TMEM132B: variants seen among roughly 807,000 people sequenced by gnomAD.
TMEM132B encodes transmembrane protein 132B.
In TMEM132B, 18 loss-of-function variants were observed where a neutral mutation model predicts 90.8. That is an observed-to-expected ratio of 0.20 (90% CI 0.14 to 0.29). The LOEUF (loss-of-function observed/expected upper bound fraction) is 0.29. Ranked by LOEUF, TMEM132B falls within the 10% of genes least tolerant of loss-of-function variation. TMEM132B has a pLI of 1.00. For missense variants in TMEM132B, 1,096 were observed against 1,326.8 expected (o/e 0.83, Z 2.70); for synonymous variants, 504 against 523.3 (o/e 0.96, Z 0.50).
intron 5 of TMEM132B, among the ~76,000 whole-genome samples, chr12:125,611,910 G>A (rs549586437): frequency 1.7e-3 from 260 of 152,142 alleles, no homozygotes; most frequent in Non-Finnish European, 2.9e-3. Flanking sequence ...TTATAGATAT[G>A]TTAGGTCAAA....
chr12:125,393,885 TC>T (rs2136307564), intron 2 of TMEM132B, among the ~76,000 whole-genome samples: 1 of 152,336 alleles, frequency 6.6e-6, no homozygotes, highest in South Asian at 2.1e-4. Flanking sequence ...CTCTCTTTTC[TC>T]ACTGTCTAAT....
Position 125,583,838 on chromosome 12 carries a change from C to T in TMEM132B, c.1294-13C>T, listed in dbSNP as rs1885114442. 7 of 1,613,764 alleles carry T rather than the reference C, an allele frequency of 4.3e-6. No homozygotes were observed. The highest frequency in any genetic ancestry group is 5.9e-6 in the Non-Finnish European group (7 of 1,179,876). On this transcript the variant is annotated splice_polypyrimidine_tract_variant and intron_variant, in intron 4 of 8. Coordinates refer to ENST00000682704, the MANE Select transcript of TMEM132B (RefSeq NM_001366854.1). The stretch of plus-strand genomic sequence containing the variant: ...CACGTTTGCTGATCTGAGCCCTCTC[C>T]TCTCCTGTTTAGGACACCGAGGTTT...
rs747346772 is a variant in TMEM132B, at chr12:125,213,998, G to A, written c.67+27132G>A. On this transcript the variant is annotated intron_variant, in intron 1 of 8. Transcript: ENST00000682704. This position sits in a 1 kb window ranked among gnomAD's most constrained non-coding sequence, Gnocchi z 4.2. ...AGTTTGGGGGATAGAGAGAACAATAGTACCCCTTCGTCAGTGAGCTCTCAG... is the reference window on the plus strand; with the variant it reads ...AGTTTGGGGGATAGAGAGAACAATAATACCCCTTCGTCAGTGAGCTCTCAG... 6.6e-6 allele frequency among the ~76,000 whole-genome samples: 1 copy of A among 152,216 alleles called. No homozygotes were observed. Among genetic ancestry groups the A allele is most frequent in the Non-Finnish European group, 1.5e-5 (1 of 68,046 alleles).
chr12:125,205,245 G>A (rs1368419737), intron 1 of TMEM132B, among the ~76,000 whole-genome samples: 2 of 150,084 alleles, frequency 1.3e-5, no homozygotes, highest in African/African-American at 4.9e-5. Flanking sequence ...GTGCCAGGCA[G>A]GGTGCTTAGC....
At chr12:125,259,054 A>G (rs1874502715) in intron 1 of TMEM132B, among the ~76,000 whole-genome samples, 1 of 152,178 alleles carries the variant, frequency 6.6e-6, no homozygotes, top group Admixed American at 6.5e-5. Flanking sequence ...TGACTGTGCC[A>G]GTGATGTTCC....
At chr12:125,329,168 C>T (rs2136200863) in intron 1 of TMEM132B, among the ~76,000 whole-genome samples, 1 of 152,322 alleles carries the variant, frequency 6.6e-6, no homozygotes, top group African/African-American at 2.4e-5. Context: ...CCAGCGCTTC[C>T]TCCCTCATGC....
At chr12:125,207,170 G>A (rs1873204081) in intron 1 of TMEM132B, among the ~76,000 whole-genome samples, 1 of 152,236 alleles carries the variant, frequency 6.6e-6, no homozygotes, top group South Asian at 2.1e-4. Context: ...GATTTAATAT[G>A]AAAATCTGGA....
At chr12:125,652,936 T>C (rs1342142165) in intron 8 of TMEM132B, among the ~76,000 whole-genome samples, 2 of 152,244 alleles carry the variant, frequency 1.3e-5, no homozygotes, top group Non-Finnish European at 2.9e-5. Flanking sequence ...TTTTCACTTT[T>C]GCCAAAGCAG....
At position 125,657,598 on chromosome 12, in the gene TMEM132B, A is replaced by G. The variant is rs1175218039; in HGVS notation, c.*2888A>G. The G allele has an allele frequency of 2.6e-5, 4 of 152,206 alleles. No individual in the cohort carries two copies. The highest frequency in any genetic ancestry group is 4.8e-5 in the African/African-American group (2 of 41,442). 9.4% of individuals were successfully genotyped at this position (152,206 alleles called of 1,614,324 possible). A position where few individuals can be genotyped will look rare whatever the true frequency, so the allele number is the denominator to read the frequency against. On this transcript the variant is annotated 3_prime_UTR_variant, in exon 9 of 9. Transcript: ENST00000682704. ...CCCAAAATATCTAAAATGGGGGTAA[A>G]GATATAAACTATTAAGCCATGAAAT...
intron 5 of TMEM132B, chr12:125,622,425 CT>C: frequency 1.0e-6 from 1 of 978,120 alleles, no homozygotes; most frequent in Non-Finnish European, 1.2e-6. Flanking sequence ...GGAGCCAGGT[CT>C]GAGGCCACAC....
chr12:125,244,867 G>A (rs1874172286), intron 1 of TMEM132B, among the ~76,000 whole-genome samples: 1 of 152,168 alleles, frequency 6.6e-6, no homozygotes, highest in African/African-American at 2.4e-5. Flanking sequence ...TGGTGGAGTG[G>A]AAATGTCTGG....
At chr12:125,298,670 T>C (rs2136157449) in intron 1 of TMEM132B, among the ~76,000 whole-genome samples, 1 of 48,696 alleles carries the variant, frequency 2.1e-5, no homozygotes. Context: ...TGAGACTCTG[T>C]CTCAAAAAAA....
intron 2 of TMEM132B, among the ~76,000 whole-genome samples, chr12:125,359,815 C>T (rs1877903430): frequency 6.6e-6 from 1 of 152,234 alleles, no homozygotes; most frequent in African/African-American, 2.4e-5. Context: ...TGCAGTGGTT[C>T]ACGCCTGTAA....
intron 5 of TMEM132B, among the ~76,000 whole-genome samples, chr12:125,638,655 C>T (rs866946562): frequency 3.3e-5 from 5 of 151,860 alleles, no homozygotes; most frequent in Non-Finnish European, 2.9e-5. Flanking sequence ...GCAGAGGGGT[C>T]GTGAGGGAAG....
chr12:125,458,177 T>A lies in TMEM132B; in HGVS notation c.1106+42500T>A, dbSNP rs972892958. Among the ~76,000 whole-genome samples the A allele has an allele frequency of 6.6e-6, 1 of 150,996 alleles. No individual in the cohort carries two copies. The highest frequency in any genetic ancestry group is 1.5e-5 in the Non-Finnish European group (1 of 67,700). ...AATCTGTGTGGGGGATGGAGCTGAG[T>A]GGGAGGCAGTGGCGTCCCTGAGGCC... On this transcript the variant is annotated intron_variant, in intron 3 of 8. Coordinates refer to ENST00000682704, the MANE Select transcript of TMEM132B (RefSeq NM_001366854.1). This position sits in a 1 kb window ranked among gnomAD's most constrained non-coding sequence, Gnocchi z 4.9.
chr12:125,625,411 G>A (rs928260761), intron 5 of TMEM132B, among the ~76,000 whole-genome samples: 1 of 152,142 alleles, frequency 6.6e-6, no homozygotes, highest in Non-Finnish European at 1.5e-5. Context: ...GGGATTACAG[G>A]CGTGAGCCAC....
At chr12:125,347,596 G>A (rs527292154) in intron 1 of TMEM132B, among the ~76,000 whole-genome samples, 1 of 152,330 alleles carries the variant, frequency 6.6e-6, no homozygotes, top group Admixed American at 6.5e-5. Context: ...GAGCCAGAGG[G>A]AATGGAGTGG....
At chr12:125,214,398 G>A (rs1873387591) in intron 1 of TMEM132B, among the ~76,000 whole-genome samples, 2 of 152,310 alleles carry the variant, frequency 1.3e-5, no homozygotes, top group African/African-American at 4.8e-5. Context: ...AGCCCAGCAG[G>A]AAGAGAACAC....
intron 3 of TMEM132B, among the ~76,000 whole-genome samples, chr12:125,443,609 G>A (rs1880932716): frequency 6.6e-6 from 1 of 152,144 alleles, no homozygotes. Context: ...TTTGTTTTCA[G>A]TCTGTTTTCT....
Sources: gnomAD v4.1 joint callset for allele counts (sites outside exome capture counted in the v4.1 genomes callset) on GRCh38, gnomAD v4.1.1 for gene constraint, Gnocchi (gnomAD v3.1) non-coding constraint, MANE v1.5 for transcripts, NCBI Gene and HGNC (gene_info 2026-07-23, HGNC 2026-07-21) for gene names.